Variants in AUTS2 observed in about 807,000 individuals in gnomAD.
AUTS2 encodes the protein autism susceptibility gene 2 protein.
In AUTS2, 17 loss-of-function variants were observed where a neutral mutation model predicts 112.4. The ratio of observed to expected loss-of-function variants is 0.15; its 90% confidence interval spans 0.10 to 0.23. AUTS2 has a LOEUF of 0.23. AUTS2 is among the 10% of genes least tolerant of loss of function. The probability of loss-of-function intolerance (pLI) is 1.00; values close to 1 mark genes in which losing one functional copy is unlikely to be tolerated. For synonymous variants in AUTS2, 751 were observed against 702.7 expected, an observed-to-expected ratio of 1.07 and a Z score of -1.09; for missense variants, 1,510 against 1,701.6, an observed-to-expected ratio of 0.89 and a Z score of 1.98.
chr7:70,101,980 C>T (rs1033311550), intron 2 of AUTS2, among the ~76,000 whole-genome samples: 1 of 152,082 alleles, frequency 6.6e-6, no homozygotes, highest in Non-Finnish European at 1.5e-5. Context: ...AAAAATCCCA[C>T]ATTTATTTTA....
intron 1 of AUTS2, among the ~76,000 whole-genome samples, chr7:69,878,970 G>C (rs768344403): frequency 2.6e-5 from 4 of 152,162 alleles, no homozygotes; most frequent in Non-Finnish European, 5.9e-5. Flanking sequence ...ACCACCTTAG[G>C]GTGGGAGAGC....
chr7:69,976,309 A>G (rs776432566), intron 2 of AUTS2, among the ~76,000 whole-genome samples: 1 of 152,202 alleles, frequency 6.6e-6, no homozygotes, highest in African/African-American at 2.4e-5. Flanking sequence ...AGTTTCATCC[A>G]TGTTGTAGCA....
At chr7:70,609,590 T>TG (rs113658908) in intron 5 of AUTS2, among the ~76,000 whole-genome samples, 2,301 of 143,468 alleles carry the variant, frequency 0.016, 35 homozygotes, top group East Asian at 0.057. Flanking sequence ...GTTTTTTTTT[T>TG]TTGTTGTTTT....
Position 70,265,651 on chromosome 7 carries a change from G to A in AUTS2, c.660+131080G>A, listed in dbSNP as rs185562013. Among the ~76,000 whole-genome samples the A allele has an allele frequency of 3.9e-5, 6 of 152,278 alleles. No homozygotes were observed. The East Asian group carries it at 1.2e-3, about 29-fold the overall frequency. The stretch of plus-strand genomic sequence containing the variant: ...TATAAACTGCAGGTTACCAGCAGGT[G>A]GAAGGAGGGGAATGAGGGCAGGTGG... On this transcript the variant is annotated intron_variant, in intron 4 of 18. Transcript: ENST00000342771.
chr7:69,833,579 T>C (rs1200019563), intron 1 of AUTS2, among the ~76,000 whole-genome samples: 2 of 152,186 alleles, frequency 1.3e-5, no homozygotes, highest in East Asian at 1.9e-4. Context: ...GGATTATAGA[T>C]GTCCACCACC....
At chr7:70,721,279 C>CGTGTGTGTGTGTGTGTGTGTGTGTGT (rs55885084) in intron 6 of AUTS2, among the ~76,000 whole-genome samples, 1 of 140,052 alleles carries the variant, frequency 7.1e-6, no homozygotes. Flanking sequence ...GAATTTCATT[C>CGTGTGTGTGTGTGTGTGTGTGTGTGT]GTGTGTGTGT....
At chr7:70,217,975 G>T (rs1811262499) in intron 4 of AUTS2, among the ~76,000 whole-genome samples, 1 of 152,186 alleles carries the variant, frequency 6.6e-6, no homozygotes, top group Non-Finnish European at 1.5e-5. Flanking sequence ...AACCCTAACT[G>T]ATATAGATGG....
At chr7:70,102,966 A>G (rs993520541) in intron 2 of AUTS2, among the ~76,000 whole-genome samples, 2 of 152,208 alleles carry the variant, frequency 1.3e-5, no homozygotes, top group Admixed American at 6.5e-5. Context: ...CAAATTATGT[A>G]TTAGTCATCC....
rs555510981 is a variant in AUTS2 at position 70,606,331 on chromosome 7, A to C, written c.691-92238A>C. The stretch of plus-strand genomic sequence containing the variant: ...AACACTCTAGTAATCTATGATTCTT[A>C]AAAGTTAATATTTGTATTTATATTT... On this transcript the variant is annotated intron_variant, in intron 5 of 18. Coordinates refer to ENST00000342771, the MANE Select transcript of AUTS2 (RefSeq NM_015570.4). Among the ~76,000 whole-genome samples the C allele has an allele frequency of 1.5e-3, 203 of 134,710 alleles. 1 individual carries two copies. The highest frequency in any genetic ancestry group is 3.3e-3 in the South Asian group (15 of 4,610). The allele number at this position is 134,710 out of a possible 152,430, so 88.4% of individuals were successfully genotyped here.
chr7:70,125,675 G>A (rs903775362), intron 3 of AUTS2, among the ~76,000 whole-genome samples: 1 of 152,144 alleles, frequency 6.6e-6, no homozygotes, highest in African/African-American at 2.4e-5. Context: ...AAGACTCAGG[G>A]ATTCCACCTG....
chr7:70,766,071 C>G lies in AUTS2; in HGVS notation c.1469-43C>G. ...CAGGAAGGCAGTCCGATGTCCTTTTCTGAAGGAAAAGGCGTCATCGTCTCC... is the reference window on the plus strand; with the variant it reads ...CAGGAAGGCAGTCCGATGTCCTTTTGTGAAGGAAAAGGCGTCATCGTCTCC... On this transcript the variant is annotated intron_variant, in intron 8 of 18. Coordinates refer to ENST00000342771, the MANE Select transcript of AUTS2 (RefSeq NM_015570.4). The surrounding 1 kb of genome is among the most constrained non-coding windows in gnomAD (Gnocchi z 4.8). 6 of 1,593,106 alleles carry G rather than the reference C, an allele frequency of 3.8e-6. No individual in the cohort carries two copies. The highest frequency in any genetic ancestry group is 4.3e-6 in the Non-Finnish European group (5 of 1,166,392).
In AUTS2 at chr7:70,469,801, C is replaced by T. The variant is rs188990551; in HGVS notation, c.690+34020C>T. ...GAATACAGGCACCCGCCACCACGCCCGGCTAATTTTTTATTTTTAGTAGAG... is the reference window on the plus strand; with the variant it reads ...GAATACAGGCACCCGCCACCACGCCTGGCTAATTTTTTATTTTTAGTAGAG... On this transcript the variant is annotated intron_variant, in intron 5 of 18. Transcript: ENST00000342771. 4.2e-3 allele frequency among the ~76,000 whole-genome samples: 639 copies of T among 152,258 alleles called. 1 individual carries two copies. Among genetic ancestry groups the T allele is most frequent in the Non-Finnish European group, 6.5e-3 (443 of 68,026 alleles).
At chr7:69,764,013 AAGCCTTTGAGGTC>A (rs1022145378) in intron 1 of AUTS2, among the ~76,000 whole-genome samples, 1 of 152,154 alleles carries the variant, frequency 6.6e-6, no homozygotes, top group African/African-American at 2.4e-5. Context: ...CTGACTTTTA[AAGCCTTTGAGGTC>A]AGTTGGGGGC....
At position 69,967,447 on chromosome 7, in the gene AUTS2, A is replaced by T. The variant is rs138342938; in HGVS notation, c.522+67949A>T. ...AACACAGAGGGAGTGGGAGGGAGGG[A>T]GAGGCAGGCAGCTTGGCAAGGCAGT... On this transcript the variant is annotated intron_variant, in intron 2 of 18. Coordinates refer to ENST00000342771, the MANE Select transcript of AUTS2 (RefSeq NM_015570.4). Among the ~76,000 whole-genome samples, 374 of 152,154 alleles carry T rather than the reference A, an allele frequency of 2.5e-3. 1 individual carries two copies. The highest frequency in any genetic ancestry group is 8.5e-3 in the African/African-American group (354 of 41,518).
At chr7:70,384,396 G>A (rs191793997) in intron 4 of AUTS2, among the ~76,000 whole-genome samples, 4 of 152,342 alleles carry the variant, frequency 2.6e-5, no homozygotes, top group African/African-American at 9.6e-5. Flanking sequence ...AGCAAACAAC[G>A]TGTTTGGGTC....
intron 1 of AUTS2, among the ~76,000 whole-genome samples, chr7:69,876,682 T>G (rs939263509): frequency 2.0e-5 from 3 of 151,038 alleles, no homozygotes; most frequent in African/African-American, 7.3e-5. Context: ...GATAACTGCA[T>G]AAGCCACCTG....
intron 2 of AUTS2, among the ~76,000 whole-genome samples, chr7:69,905,032 A>G (rs1468657640): frequency 1.3e-5 from 2 of 152,234 alleles, no homozygotes; most frequent in East Asian, 3.9e-4. Flanking sequence ...TGACACTAAT[A>G]TAATAATGAG....
chr7:70,709,806 A>C (rs1404288095), intron 6 of AUTS2, among the ~76,000 whole-genome samples: 1 of 152,188 alleles, frequency 6.6e-6, no homozygotes, highest in Non-Finnish European at 1.5e-5. Flanking sequence ...AGAGATTCTG[A>C]ACACTTAGCA....
intron 5 of AUTS2, among the ~76,000 whole-genome samples, chr7:70,471,872 G>A (rs753517692): frequency 7.2e-5 from 11 of 152,052 alleles, no homozygotes; most frequent in Non-Finnish European, 1.0e-4. Context: ...ACAGGGATTC[G>A]TAAGGTAGCA....
Sources: allele counts gnomAD v4.1 joint callset (sites outside exome capture counted in the v4.1 genomes callset), GRCh38; gene constraint gnomAD v4.1.1; non-coding constraint Gnocchi (gnomAD v3.1); transcripts MANE v1.5; gene names NCBI Gene and HGNC (gene_info 2026-07-23, HGNC 2026-07-21).